The following MAP4 variants were observed in gnomAD, a reference collection of about 807,000 sequenced individuals.
The protein encoded by MAP4 is microtubule associated protein 4, also known as microtubule-associated protein 4.
MAP4 carries 76 observed loss-of-function variants against 170.2 expected under a neutral mutation model. The ratio of observed to expected loss-of-function variants is 0.45; its 90% CI spans 0.37 to 0.54. MAP4 has a LOEUF of 0.54. Ranked by LOEUF, MAP4 falls within the 20% of genes least tolerant of loss-of-function variation. The pLI, the probability that MAP4 is intolerant of heterozygous loss-of-function variation, is 0.00. For synonymous variants in MAP4, 909 were observed against 994.5 expected (o/e 0.91, Z 1.62); for missense variants, 2,506 against 2,748.0 (o/e 0.91, Z 1.97).
At chr3:47,874,605 G>A (rs960165934) in intron 12 of MAP4, among the ~76,000 whole-genome samples, 2 of 152,114 alleles carry the variant, frequency 1.3e-5, no homozygotes, top group Non-Finnish European at 2.9e-5. Flanking sequence ...CCCAGAAGCC[G>A]CTGCTGAATA....
intron 3 of MAP4, among the ~76,000 whole-genome samples, chr3:47,961,630 C>T (rs1188675704): frequency 1.3e-5 from 2 of 152,190 alleles, no homozygotes; most frequent in Non-Finnish European, 2.9e-5. Flanking sequence ...GTAAACATTT[C>T]TTCCTAGAGA....
rs1559765704 is a variant in MAP4 at position 47,855,351 on chromosome 3, TCTC to T, written c.6590_6592del (p.Gly2197del). The T allele has an allele frequency of 5.6e-6, 9 of 1,609,694 alleles. No homozygotes were observed. Among genetic ancestry groups the T allele is most frequent in the African/African-American group, 1.3e-5 (1 of 74,894 alleles). On this transcript the variant is annotated inframe_deletion, in exon 19 of 21. Coordinates refer to ENST00000683076, the MANE Select transcript of MAP4 (RefSeq NM_001385682.1). The surrounding 1 kb of genome is among the most constrained non-coding windows in gnomAD (Gnocchi z 5.1). ...CAACTTCTGACTTTCAATCTTGACA[TCTC>T]CTCCACCTGGAACCACAAAGGAACT... is the stretch of plus-strand genomic sequence containing the variant.
chr3:48,024,707 A>G (rs2100112196), intron 1 of MAP4, among the ~76,000 whole-genome samples: 1 of 152,222 alleles, frequency 6.6e-6, no homozygotes, highest in Non-Finnish European at 1.5e-5. Context: ...AGTTATGTTA[A>G]AGAGTTAGCA....
At chr3:48,068,642 G>A (rs2100139502) in intron 1 of MAP4, among the ~76,000 whole-genome samples, 2 of 152,186 alleles carry the variant, frequency 1.3e-5, no homozygotes, top group African/African-American at 4.8e-5. Context: ...AAATTAGCCA[G>A]GTGTGGTGGC....
intron 3 of MAP4, among the ~76,000 whole-genome samples, chr3:47,941,630 A>AAC (rs200812612): frequency 1.7e-3 from 251 of 150,436 alleles, no homozygotes; most frequent in African/African-American, 5.9e-3. Flanking sequence ...ACAAAAACAA[A>AAC]AAAAAAAAAA....
rs1176443070 is a variant in MAP4, at chr3:47,916,647, T to C, written c.1180A>G (p.Lys394Glu). 1 of 1,614,100 alleles carries C rather than the reference T, an allele frequency of 6.2e-7. No homozygotes were observed. Among genetic ancestry groups the C allele is most frequent in the African/African-American group, 1.3e-5 (1 of 74,948 alleles). ...TTTTCTTTGGGTGGTCCCATGTCCT[T>C]GGAAGGAGCCAAGTCCATTTTTATA... ...SPIKMDLAPSKDMGPPKENKI... is the reference protein window; with the variant it reads ...SPIKMDLAPSEDMGPPKENKI... The change falls in exon 7 of 21, where the codon AAG becomes GAG. Residue 394 changes from lysine (K) to glutamate (E), a missense_variant. Physicochemically the swap from Lys to Glu is moderately conservative, Grantham distance 56 (BLOSUM62 1). This residue lies in a region of MAP4 where 2,008 missense variants were observed against 2,206.0 expected (regional missense o/e 0.91). Coordinates refer to ENST00000683076, the MANE Select transcript of MAP4 (RefSeq NM_001385682.1).
intron 1 of MAP4, among the ~76,000 whole-genome samples, chr3:48,051,953 A>G (rs908115656): frequency 2.0e-5 from 3 of 152,204 alleles, no homozygotes; most frequent in African/African-American, 7.2e-5. Context: ...GAGTTTCTTA[A>G]CACCTTCACT....
intron 1 of MAP4, among the ~76,000 whole-genome samples, chr3:48,023,356 A>G (rs1042607010): frequency 6.6e-6 from 1 of 152,210 alleles, no homozygotes; most frequent in Non-Finnish European, 1.5e-5. Flanking sequence ...AAAGAAGGAT[A>G]TTTTGTATTT....
intron 3 of MAP4, chr3:47,960,304 C>A: frequency 8.9e-6 from 2 of 224,854 alleles, no homozygotes; most frequent in South Asian, 1.6e-4. Context: ...TCTGGAGGTT[C>A]AAATCACTGG....
intron 1 of MAP4, among the ~76,000 whole-genome samples, chr3:48,072,852 A>ATCT (rs1375889725): frequency 6.6e-6 from 1 of 152,222 alleles, no homozygotes; most frequent in Non-Finnish European, 1.5e-5. Context: ...CATCAATTGA[A>ATCT]CATACATTTG....
intron 3 of MAP4, among the ~76,000 whole-genome samples, chr3:47,966,542 T>C: frequency 6.6e-6 from 1 of 151,938 alleles, no homozygotes; most frequent in Non-Finnish European, 1.5e-5. Flanking sequence ...CCACCGCACC[T>C]GGCCAATTTT....
chr3:48,076,585 G>A (rs540636860), intron 1 of MAP4, among the ~76,000 whole-genome samples: 1 of 151,610 alleles, frequency 6.6e-6, no homozygotes, highest in East Asian at 1.9e-4. Context: ...AGACTGAGGT[G>A]GAAGGATAGC....
chr3:47,986,300 T>G (rs1467334024), intron 2 of MAP4, among the ~76,000 whole-genome samples: 1 of 152,024 alleles, frequency 6.6e-6, no homozygotes, highest in East Asian at 1.9e-4. Context: ...TTTTTAGCAA[T>G]GAAGTGGTTT....
At chr3:47,890,790 A>C (rs1459662021) in intron 10 of MAP4, among the ~76,000 whole-genome samples, 2 of 152,136 alleles carry the variant, frequency 1.3e-5, no homozygotes, top group African/African-American at 4.8e-5. Context: ...TGCACACTCA[A>C]TTCACATTAT....
chr3:47,852,564 G>T lies in MAP4; in HGVS notation c.*370C>A. The T allele has an allele frequency of 1.8e-6, 1 of 562,066 alleles. No homozygotes were observed. The highest frequency in any genetic ancestry group is 3.1e-6 in the Non-Finnish European group (1 of 325,794). 34.8% of individuals were successfully genotyped at this position (562,066 alleles called of 1,614,324 possible). On this transcript the variant is annotated 3_prime_UTR_variant, in exon 21 of 21. Transcript: ENST00000683076. ...CCAAAAAAAGATGAGGATAGAATCT[G>T]GTTCTCCTCTCCTAGATCCCAACTT... is the stretch of plus-strand genomic sequence containing the variant.
intron 2 of MAP4, among the ~76,000 whole-genome samples, chr3:47,979,821 GTTTGT>G (rs895194528): frequency 4.6e-5 from 7 of 151,784 alleles, no homozygotes; most frequent in East Asian, 3.9e-4. Flanking sequence ...AAATGTTTTT[GTTTGT>G]TTTGTTTTGT....
At chr3:47,963,500 A>G (rs2100072930) in intron 3 of MAP4, among the ~76,000 whole-genome samples, 2 of 152,232 alleles carry the variant, frequency 1.3e-5, no homozygotes, top group South Asian at 4.1e-4. Context: ...AGCTTCCTCA[A>G]AATTTAAACA....
intron 1 of MAP4, among the ~76,000 whole-genome samples, chr3:48,055,176 GTCTCCC>G (rs145682966): frequency 0.063 from 9,201 of 146,238 alleles, 281 homozygotes; most frequent in East Asian, 0.13. Context: ...TCTTTAAAAA[GTCTCCC>G]TCTCCCTCTC....
chr3:47,875,028 C>T (rs2152389758), intron 12 of MAP4, among the ~76,000 whole-genome samples: 1 of 152,316 alleles, frequency 6.6e-6, no homozygotes, highest in East Asian at 1.9e-4. Context: ...CCAAATGTGA[C>T]CAGTTTCTGG....
Sources: gnomAD v4.1 joint callset for allele counts (sites outside exome capture counted in the v4.1 genomes callset) on GRCh38, gnomAD v4.1.1 for gene constraint, gnomAD v4.1.1 regional missense constraint, Gnocchi (gnomAD v3.1) non-coding constraint, MANE v1.5 for transcripts, NCBI Gene and HGNC (gene_info 2026-07-23, HGNC 2026-07-21) for gene names.